Variants in SLC5A1 observed in about 807,000 individuals in gnomAD.
SLC5A1 encodes the protein sodium/glucose cotransporter 1.
A neutral mutation model predicts 73.5 loss-of-function variants in SLC5A1; 42 were observed. That is an observed-to-expected ratio of 0.57 (90% CI 0.45 to 0.74). The LOEUF (loss-of-function observed/expected upper bound fraction) is 0.74, where lower values mean the gene tolerates loss of function less well. Ranked by LOEUF, SLC5A1 falls within the 30% of genes least tolerant of loss-of-function variation. The pLI, the probability that SLC5A1 is intolerant of heterozygous loss-of-function variation, is 0.00. For synonymous variants in SLC5A1, 300 were observed against 317.4 expected, an observed-to-expected ratio of 0.95 and a Z score of 0.58; for missense variants, 634 against 855.4, an observed-to-expected ratio of 0.74 and a Z score of 3.23.
chr22:32,102,161 C>T lies in SLC5A1; in HGVS notation c.1589C>T (p.Ala530Val). The T allele has an allele frequency of 1.2e-6, 2 of 1,613,990 alleles. No homozygotes were observed. The highest frequency in any genetic ancestry group is 1.7e-6 in the Non-Finnish European group (2 of 1,179,956). The change falls in exon 13 of 15, where the codon GCC (alanine) becomes GTC (valine). Residue 530 changes from alanine (A) to valine (V), a missense_variant. Ala to Val is a moderately conservative substitution (Grantham distance 64, BLOSUM62 0). This residue lies in a region of SLC5A1 where 161 missense variants were observed against 178.7 expected (regional missense o/e 0.90). Transcript: ENST00000266088. The part of the protein sequence containing the change: ...IICGVHYLYF[A>V]IILFAISFIT... Reference sequence around the variant, plus strand: ...TGTGGGGTGCACTACTTGTACTTTGCCATTATCCTCTTCGCCATTTCTTTC... The same window carrying T: ...TGTGGGGTGCACTACTTGTACTTTGTCATTATCCTCTTCGCCATTTCTTTC...
At chr22:32,103,894 A>C (rs183776791) in intron 13 of SLC5A1, among the ~76,000 whole-genome samples, 3 of 152,302 alleles carry the variant, frequency 2.0e-5, no homozygotes, top group Admixed American at 6.5e-5. Flanking sequence ...AATTTAGATA[A>C]AGATGACCAA....
chr22:32,084,760 G>C lies in SLC5A1; in HGVS notation c.885+101G>C. 3 of 1,497,804 alleles carry C rather than the reference G, an allele frequency of 2.0e-6. No homozygotes were observed. In the South Asian group the frequency reaches 3.4e-5, roughly 17 times the overall value. The allele number at this position is 1,497,804 out of a possible 1,614,324, so 92.8% of individuals were successfully genotyped here. ...GCAGGGTTGGGACAGGGAGGGGAGA[G>C]CTCAGGTGGTTTGTAAGTTGCCACG... On this transcript the variant is annotated intron_variant, in intron 8 of 14. Coordinates refer to ENST00000266088, the MANE Select transcript of SLC5A1 (RefSeq NM_000343.4).
intron 5 of SLC5A1, among the ~76,000 whole-genome samples, chr22:32,069,213 A>T (rs1424423220): frequency 6.6e-6 from 1 of 152,214 alleles, no homozygotes; most frequent in Non-Finnish European, 1.5e-5. Flanking sequence ...AGTGGAATCT[A>T]AAAAAGTTAA....
At chr22:32,091,827 C>A in intron 11 of SLC5A1, 65 bp downstream of exon 11, 1 of 1,565,418 alleles carries the variant, frequency 6.4e-7, no homozygotes. Context: ...CTGTGTTACC[C>A]CTCAAGCTAG....
At chr22:32,081,213 A>G (rs1398480508) in intron 5 of SLC5A1, among the ~76,000 whole-genome samples, 1 of 152,154 alleles carries the variant, frequency 6.6e-6, no homozygotes, top group Non-Finnish European at 1.5e-5. Flanking sequence ...AACTGCATCA[A>G]GAATTCAGGA....
chr22:32,085,121 C>T (rs2094006023), intron 9 of SLC5A1, 86 bp downstream of exon 9: 28 of 1,539,976 alleles, frequency 1.8e-5, no homozygotes, highest in Non-Finnish European at 2.5e-5. Context: ...CCCGCTTCCT[C>T]CTCTTTTTTT....
At chr22:32,047,200 G>A (rs922225857) in intron 1 of SLC5A1, among the ~76,000 whole-genome samples, 5 of 152,010 alleles carry the variant, frequency 3.3e-5, no homozygotes, top group African/African-American at 1.2e-4. Context: ...AGGATGAATA[G>A]GTAGGATCTG....
At chr22:32,048,579 TTC>T (rs1162102390) in intron 1 of SLC5A1, among the ~76,000 whole-genome samples, 2 of 152,212 alleles carry the variant, frequency 1.3e-5, no homozygotes, top group Non-Finnish European at 2.9e-5. Flanking sequence ...CTGTTCGCCA[TTC>T]TCTCCTTCTC....
In SLC5A1 at chr22:32,049,100, ATATATATATATAATCAT is replaced by A. The variant is rs1220081271; in HGVS notation, c.136-810_136-794del. Reference sequence around the variant, plus strand: ...AATAAATAAATAAATAAATATATATATATATATATATAATCATTATATATATATAATCATTATATATA... The same window carrying A: ...AATAAATAAATAAATAAATATATATATATATATATATAATCATTATATATA... On this transcript the variant is annotated intron_variant, in intron 1 of 14. Transcript: ENST00000266088. 3.8e-4 allele frequency among the ~76,000 whole-genome samples: 56 copies of A among 145,508 alleles called. 1 individual carries two copies. The highest frequency in any genetic ancestry group is 2.0e-3 in the Admixed American group (29 of 14,454).
At chr22:32,092,051 G>C (rs1465451561) in intron 11 of SLC5A1, among the ~76,000 whole-genome samples, 1 of 152,052 alleles carries the variant, frequency 6.6e-6, no homozygotes, top group African/African-American at 2.4e-5. Flanking sequence ...CATCACTTGA[G>C]CATTATACAC....
At chr22:32,106,709 G>C (rs2094046689) in intron 14 of SLC5A1, among the ~76,000 whole-genome samples, 1 of 152,238 alleles carries the variant, frequency 6.6e-6, no homozygotes, top group African/African-American at 2.4e-5. Flanking sequence ...TATCCTGTAA[G>C]TTAATACTTT....
At chr22:32,053,640 T>C (rs1254236399) in intron 2 of SLC5A1, among the ~76,000 whole-genome samples, 2 of 152,200 alleles carry the variant, frequency 1.3e-5, no homozygotes, top group Admixed American at 6.5e-5. Flanking sequence ...CTTCCCAGAA[T>C]TTTCTAACAG....
intron 2 of SLC5A1, among the ~76,000 whole-genome samples, chr22:32,058,538 C>T (rs1243382738): frequency 2.6e-5 from 4 of 152,166 alleles, no homozygotes; most frequent in East Asian, 1.9e-4. Flanking sequence ...TGCTTAAAAC[C>T]GAGTCCTAAA....
chr22:32,059,208 GC>G (rs1008795742), intron 2 of SLC5A1: 1 of 985,196 alleles, frequency 1.0e-6, no homozygotes. Flanking sequence ...TCCTGCCTGG[GC>G]GACAGAAAAA....
rs555674813 is a variant in SLC5A1 at position 32,072,430 on chromosome 22, T to C, written c.477+3830T>C. On this transcript the variant is annotated intron_variant, in intron 5 of 14. Coordinates refer to ENST00000266088, the MANE Select transcript of SLC5A1 (RefSeq NM_000343.4). ...TATGGCTGCATAGTATTACGGTGTA[T>C]ATGTGCCACATTTTCTTTATTCAGT... Among the ~76,000 whole-genome samples the C allele has an allele frequency of 2.0e-5, 3 of 152,328 alleles. No individual in the cohort carries two copies. The South Asian group carries it at 6.2e-4, about 32-fold the overall frequency.
At chr22:32,059,345 G>A (rs2093956781) in intron 2 of SLC5A1, 6 of 985,682 alleles carry the variant, frequency 6.1e-6, no homozygotes, top group Non-Finnish European at 7.2e-6. Flanking sequence ...AACACATGAG[G>A]TAAGAGATTG....
rs2093949183 is a variant in SLC5A1, at chr22:32,054,598, CCTG to C, written c.207+4585_207+4587del. On this transcript the variant is annotated intron_variant, in intron 2 of 14. Coordinates refer to ENST00000266088, the MANE Select transcript of SLC5A1 (RefSeq NM_000343.4). Reference sequence around the variant, plus strand: ...TGGAAGGAACAGAATGGCCAAAGGCCCTGATGTAGGAAGAAGCTTGGGATATTT... The same window carrying C: ...TGGAAGGAACAGAATGGCCAAAGGCCATGTAGGAAGAAGCTTGGGATATTT... Among the ~76,000 whole-genome samples, 3 of 152,066 alleles carry C rather than the reference CCTG, an allele frequency of 2.0e-5. No homozygotes were observed. The South Asian group carries it at 6.2e-4, about 32-fold the overall frequency.
chr22:32,109,142 C>T (rs1320579076), intron 14 of SLC5A1, among the ~76,000 whole-genome samples: 1 of 152,116 alleles, frequency 6.6e-6, no homozygotes, highest in Non-Finnish European at 1.5e-5. Flanking sequence ...CCACTGCACT[C>T]CAGCCTGGGC....
chr22:32,102,771 A>G (rs945579420), intron 13 of SLC5A1, among the ~76,000 whole-genome samples: 1 of 152,048 alleles, frequency 6.6e-6, no homozygotes, highest in Non-Finnish European at 1.5e-5. Context: ...CTCTATCTCC[A>G]TGAGTTTGGT....
Sources: allele counts gnomAD v4.1 joint callset (sites outside exome capture counted in the v4.1 genomes callset), GRCh38; gene constraint gnomAD v4.1.1; regional missense constraint gnomAD v4.1.1; transcripts MANE v1.5; gene names NCBI Gene and HGNC (gene_info 2026-07-23, HGNC 2026-07-21).